CCDC146: variants seen among roughly 807,000 people sequenced by gnomAD.
CCDC146 encodes the protein coiled-coil domain containing 146.
CCDC146 carries 92 observed loss-of-function variants against 119.3 expected under a neutral mutation model. The observed-to-expected ratio is 0.77, with a 90% CI of 0.65 to 0.92. CCDC146 has a LOEUF of 0.92. Among genes scored for constraint, CCDC146 ranks in the 40% least tolerant of loss-of-function variants. CCDC146 has a pLI of 0.00. For missense variants in CCDC146, 1,000 were observed against 1,103.0 expected (o/e 0.91, Z 1.32); for synonymous variants, 372 against 371.8 (o/e 1.00, Z -0.01).
intron 9 of CCDC146, among the ~76,000 whole-genome samples, chr7:77,267,244 C>T (rs181482044): frequency 3.0e-4 from 46 of 152,196 alleles, no homozygotes; most frequent in African/African-American, 9.2e-4. Context: ...CCACCTGCCT[C>T]GGCCTCCCAA....
chr7:77,184,919 T>C (rs1189917055), intron 2 of CCDC146, among the ~76,000 whole-genome samples: 1 of 152,212 alleles, frequency 6.6e-6, no homozygotes, highest in Non-Finnish European at 1.5e-5. Context: ...GGAATCATTT[T>C]CCACTTCCTG....
chr7:77,161,616 G>A (rs534637837), intron 1 of CCDC146, among the ~76,000 whole-genome samples: 4 of 130,238 alleles, frequency 3.1e-5, no homozygotes, highest in South Asian at 2.5e-4. Context: ...GAAGGGGAAC[G>A]TCACACTCTG....
At chr7:77,188,744 C>T (rs962097363) in intron 2 of CCDC146, among the ~76,000 whole-genome samples, 6 of 152,098 alleles carry the variant, frequency 3.9e-5, no homozygotes, top group African/African-American at 1.2e-4. Flanking sequence ...TTAAGATATC[C>T]AGTAACTCAA....
Position 77,206,073 on chromosome 7 carries a change from G to A in CCDC146, c.157-30874G>A, listed in dbSNP as rs1039964296. On this transcript the variant is annotated intron_variant, in intron 2 of 18. Transcript: ENST00000285871. The stretch of plus-strand genomic sequence containing the variant: ...CAAATCAACATATTTACCACGCTAC[G>A]CATGTCCATAGATGATCCACAGGTC... Among the ~76,000 whole-genome samples the A allele has an allele frequency of 6.6e-5, 10 of 152,264 alleles. 1 individual carries two copies. Among genetic ancestry groups the A allele is most frequent in the South Asian group, 2.1e-4 (1 of 4,824 alleles).
intron 9 of CCDC146, among the ~76,000 whole-genome samples, chr7:77,266,684 C>T (rs1363642635): frequency 6.6e-6 from 1 of 151,130 alleles, no homozygotes; most frequent in South Asian, 2.1e-4. Context: ...AAATGCCTCT[C>T]AGTACCCACT....
chr7:77,142,563 C>G (rs975214066), intron 1 of CCDC146, among the ~76,000 whole-genome samples: 7 of 152,020 alleles, frequency 4.6e-5, no homozygotes, highest in African/African-American at 1.2e-4. Context: ...TTCCCTCCCC[C>G]CTTCCCCCAC....
chr7:77,274,229 T>C (rs1175293079), intron 10 of CCDC146, among the ~76,000 whole-genome samples: 2 of 152,198 alleles, frequency 1.3e-5, no homozygotes, highest in Non-Finnish European at 2.9e-5. Flanking sequence ...ACCATTACTT[T>C]ATTTTTAATT....
intron 1 of CCDC146, among the ~76,000 whole-genome samples, chr7:77,163,407 C>T (rs2117473596): frequency 6.6e-6 from 1 of 151,974 alleles, no homozygotes; most frequent in East Asian, 1.9e-4. Flanking sequence ...GAGAATGCAC[C>T]ACTGCACTCC....
At chr7:77,164,725 C>G (rs1330524669) in intron 1 of CCDC146, among the ~76,000 whole-genome samples, 6 of 152,128 alleles carry the variant, frequency 3.9e-5, no homozygotes, top group Non-Finnish European at 1.5e-5. Context: ...AATTTTACCC[C>G]ATTTTAGAGA....
chr7:77,171,985 G>A (rs1189945995), intron 2 of CCDC146, among the ~76,000 whole-genome samples: 1 of 151,994 alleles, frequency 6.6e-6, no homozygotes, highest in African/African-American at 2.4e-5. Context: ...TTAATTGCTG[G>A]GTATAACAGG....
At chr7:77,245,501 G>A (rs1792931840) in intron 4 of CCDC146, among the ~76,000 whole-genome samples, 1 of 152,164 alleles carries the variant, frequency 6.6e-6, no homozygotes, top group African/African-American at 2.4e-5. Context: ...TCAGTTGGGG[G>A]AAACAAGGCT....
At chr7:77,207,453 G>A (rs10244407) in intron 2 of CCDC146, among the ~76,000 whole-genome samples, 4,107 of 152,128 alleles carry the variant, frequency 0.027, 182 homozygotes, top group African/African-American at 0.093. Flanking sequence ...TATTTTGATA[G>A]TGTTTATTTG....
rs2539112 is a variant in CCDC146 at position 77,126,894 on chromosome 7, C to T, written c.-12+4162C>T. On this transcript the variant is annotated intron_variant, in intron 1 of 18. Transcript: ENST00000285871. ...AGTTGGCCCCCAGCCTTCAGGCCCT[C>T]CCTGGACTGAAGGTAGAGCCTTACT... Among the ~76,000 whole-genome samples, 173 of 152,182 alleles carry T rather than the reference C, an allele frequency of 1.1e-3. 2 individuals are homozygous for T. Among genetic ancestry groups the T allele is most frequent in the Middle Eastern group, 6.8e-3 (2 of 294 alleles).
intron 4 of CCDC146, among the ~76,000 whole-genome samples, chr7:77,246,021 T>C (rs977749481): frequency 3.9e-5 from 6 of 152,106 alleles, no homozygotes; most frequent in Non-Finnish European, 5.9e-5. Flanking sequence ...CAAAAAGTAA[T>C]GATTATGATT....
chr7:77,144,608 T>A (rs1244139526), intron 1 of CCDC146, among the ~76,000 whole-genome samples: 1 of 151,830 alleles, frequency 6.6e-6, no homozygotes, highest in Non-Finnish European at 1.5e-5. Flanking sequence ...CCTAATTTAT[T>A]GAGAGTTTTT....
intron 1 of CCDC146, among the ~76,000 whole-genome samples, chr7:77,150,776 C>T (rs189810994): frequency 1.5e-3 from 234 of 152,246 alleles, no homozygotes; most frequent in African/African-American, 5.3e-3. Flanking sequence ...CTACTTGATT[C>T]ATAGTAGCTA....
chr7:77,157,794 T>A (rs1791198977), intron 1 of CCDC146, among the ~76,000 whole-genome samples: 1 of 152,186 alleles, frequency 6.6e-6, no homozygotes, highest in South Asian at 2.1e-4. Context: ...TGGTCCAAGT[T>A]ATCATAGCAC....
At position 77,293,028 on chromosome 7, in the gene CCDC146, A is replaced by G; in HGVS notation, c.2492A>G (p.Gln831Arg). ...MALVAELSMK[Q>R]ALTIELQKEV... ...CTTGTTGCTGAGCTGTCCATGAAAC[A>G]AGCCCTAACCATTGAACTCCAAAAG... Residue 831 changes from glutamine to arginine, a missense_variant, in exon 18 of 19, where the codon CAA becomes CGA. Transcript: ENST00000285871. The G allele has an allele frequency of 6.2e-7, 1 of 1,614,200 alleles. No homozygotes were observed. Among genetic ancestry groups the G allele is most frequent in the Non-Finnish European group, 8.5e-7 (1 of 1,180,028 alleles).
chr7:77,252,961 C>G (rs1470116210), intron 4 of CCDC146, among the ~76,000 whole-genome samples: 13 of 152,302 alleles, frequency 8.5e-5, no homozygotes, highest in African/African-American at 2.9e-4. Context: ...GCAAGGGAGA[C>G]TGTGAAATAT....
Sources: allele counts gnomAD v4.1 joint callset (sites outside exome capture counted in the v4.1 genomes callset), GRCh38; gene constraint gnomAD v4.1.1; transcripts MANE v1.5; gene names NCBI Gene and HGNC (gene_info 2026-07-23, HGNC 2026-07-21).